RBFOX1: variants seen among roughly 807,000 people sequenced by gnomAD.
The protein encoded by RBFOX1 is RNA binding protein fox-1 homolog 1.
Under a neutral mutation model 57.7 loss-of-function variants are expected in RBFOX1, and 8 were observed. The observed-to-expected ratio is 0.14, with a 90% CI of 0.08 to 0.25. The LOEUF (loss-of-function observed/expected upper bound fraction) is 0.25. Ranked by LOEUF, RBFOX1 falls within the 10% of genes least tolerant of loss-of-function variation. The probability of loss-of-function intolerance (pLI) is 1.00; values close to 1 mark genes in which losing one functional copy is unlikely to be tolerated. For synonymous variants in RBFOX1, 326 were observed against 222.4 expected, an observed-to-expected ratio of 1.47 and a Z score of -4.15; for missense variants, 611 against 548.5, an observed-to-expected ratio of 1.11 and a Z score of -1.14.
intron 4 of RBFOX1, among the ~76,000 whole-genome samples, chr16:7,339,790 G>C (rs1004377510): frequency 3.9e-5 from 6 of 152,238 alleles, no homozygotes; most frequent in South Asian, 4.1e-4. Context: ...AAAATTCTAA[G>C]TCCTATTGGT....
intron 4 of RBFOX1, among the ~76,000 whole-genome samples, chr16:7,230,026 A>G (rs1171188013): frequency 3.0e-3 from 157 of 52,342 alleles, no homozygotes; most frequent in South Asian, 4.6e-3. Flanking sequence ...GGAAGAGGGG[A>G]AGGAAGGAAG....
intron 4 of RBFOX1, among the ~76,000 whole-genome samples, chr16:7,234,548 A>G (rs1431068417): frequency 6.6e-6 from 1 of 151,858 alleles, no homozygotes; most frequent in African/African-American, 2.4e-5. Flanking sequence ...TGAAGCATTT[A>G]ACCATGAAGT....
intron 4 of RBFOX1, among the ~76,000 whole-genome samples, chr16:5,872,580 A>T (rs1038581514): frequency 2.2e-4 from 33 of 151,964 alleles, no homozygotes; most frequent in African/African-American, 7.7e-4. Flanking sequence ...ACAGAAAGAA[A>T]AAAAAAATTG....
chr16:5,290,013 G>C (rs1165283445), intron 1 of RBFOX1, among the ~76,000 whole-genome samples: 1 of 152,198 alleles, frequency 6.6e-6, no homozygotes, highest in Non-Finnish European at 1.5e-5. Context: ...AACATGGTTT[G>C]ACCATGCAAT....
At chr16:7,065,328 G>T (rs1202788575) in intron 4 of RBFOX1, among the ~76,000 whole-genome samples, 1 of 151,874 alleles carries the variant, frequency 6.6e-6, no homozygotes, top group Non-Finnish European at 1.5e-5. Context: ...CTTTCTTCAG[G>T]TGCACGTCTC....
chr16:7,616,270 G>T (rs2058427292), intron 10 of RBFOX1, among the ~76,000 whole-genome samples: 1 of 152,230 alleles, frequency 6.6e-6, no homozygotes, highest in South Asian at 2.1e-4. Context: ...CCTAGCAAAA[G>T]CTTCCAGGTG....
intron 4 of RBFOX1, among the ~76,000 whole-genome samples, chr16:7,486,240 A>T (rs771179793): frequency 6.1e-5 from 9 of 146,834 alleles, no homozygotes; most frequent in Non-Finnish European, 1.3e-4. Flanking sequence ...CTCCTGCCTC[A>T]GCCTCCTGAG....
intron 2 of RBFOX1, among the ~76,000 whole-genome samples, chr16:6,489,205 C>T (rs753349428): frequency 1.1e-4 from 16 of 152,182 alleles, no homozygotes; most frequent in Non-Finnish European, 1.6e-4. Flanking sequence ...AATGTAACGT[C>T]ACTAAATGAA....
intron 4 of RBFOX1, among the ~76,000 whole-genome samples, chr16:7,057,554 C>T (rs1450523996): frequency 6.6e-6 from 1 of 152,162 alleles, no homozygotes; most frequent in Admixed American, 6.5e-5. Flanking sequence ...TTACAAATTC[C>T]TGGAAAAGGA....
intron 3 of RBFOX1, among the ~76,000 whole-genome samples, chr16:5,865,133 G>T (rs917256619): frequency 6.6e-6 from 1 of 152,308 alleles, no homozygotes; most frequent in Non-Finnish European, 1.5e-5. Flanking sequence ...AAACTCTTTT[G>T]CCCATGGAGC....
intron 2 of RBFOX1, among the ~76,000 whole-genome samples, chr16:5,577,387 A>G (rs542762533): frequency 6.6e-6 from 1 of 152,138 alleles, no homozygotes; most frequent in African/African-American, 2.4e-5. Flanking sequence ...TCCTCACCTC[A>G]ACATTTTTAT....
At chr16:6,707,480 T>TTTTTTTG (rs1555714686) in intron 3 of RBFOX1, among the ~76,000 whole-genome samples, 6 of 145,056 alleles carry the variant, frequency 4.1e-5, no homozygotes, top group African/African-American at 1.5e-4. Flanking sequence ...CCATTTTTGT[T>TTTTTTTG]TTTTTTTTTT....
chr16:6,739,233 A>G (rs1051743018), intron 3 of RBFOX1, among the ~76,000 whole-genome samples: 5 of 148,708 alleles, frequency 3.4e-5, no homozygotes, highest in African/African-American at 1.2e-4. Flanking sequence ...TCTAGTAGGG[A>G]TGATAGAAAA....
intron 4 of RBFOX1, among the ~76,000 whole-genome samples, chr16:7,480,396 T>C (rs528357977): frequency 1.1e-3 from 161 of 152,320 alleles, no homozygotes; most frequent in Non-Finnish European, 1.7e-3. Flanking sequence ...ACCTAGTATA[T>C]AGTAGCTGCT....
At chr16:7,666,342 T>A (rs903286567) in intron 13 of RBFOX1, among the ~76,000 whole-genome samples, 2 of 151,468 alleles carry the variant, frequency 1.3e-5, no homozygotes, top group Non-Finnish European at 2.9e-5. Context: ...AATGGTTTTT[T>A]AAAAAATCCA....
chr16:5,807,969 A>G (rs895811503), intron 3 of RBFOX1, among the ~76,000 whole-genome samples: 27 of 151,990 alleles, frequency 1.8e-4, no homozygotes, highest in Admixed American at 1.7e-3. Context: ...ATTTCTTTCA[A>G]TTTCCTCCTT....
chr16:6,619,188 T>A (rs1262187053), intron 2 of RBFOX1, among the ~76,000 whole-genome samples: 3 of 152,040 alleles, frequency 2.0e-5, no homozygotes, highest in African/African-American at 7.2e-5. Context: ...AAACAACTTC[T>A]GATGTCTCAT....
chr16:6,395,053 T>TA (rs2092767233), intron 2 of RBFOX1, among the ~76,000 whole-genome samples: 1 of 152,134 alleles, frequency 6.6e-6, no homozygotes, highest in African/African-American at 2.4e-5. Flanking sequence ...GGTTAGGTGG[T>TA]ATAGGCAATA....
chr16:6,677,078 G>A (rs79324246), intron 3 of RBFOX1, among the ~76,000 whole-genome samples: 4,214 of 152,222 alleles, frequency 0.028, 197 homozygotes, highest in African/African-American at 0.096. Context: ...AAGACTAACT[G>A]CTTTACAAGC....
Sources: gnomAD v4.1 joint callset for allele counts (sites outside exome capture counted in the v4.1 genomes callset) on GRCh38, gnomAD v4.1.1 for gene constraint, MANE v1.5 for transcripts, NCBI Gene and HGNC (gene_info 2026-07-23, HGNC 2026-07-21) for gene names.